SCAPER: variants seen among roughly 807,000 people sequenced by gnomAD.
SCAPER encodes the protein S-phase cyclin A associated protein in the ER.
A neutral mutation model predicts 182.2 loss-of-function variants in SCAPER; 98 were observed. The observed-to-expected ratio is 0.54, with a 90% CI of 0.46 to 0.64. The LOEUF (loss-of-function observed/expected upper bound fraction) is 0.64. SCAPER is among the 30% of genes least tolerant of loss of function. SCAPER has a pLI of 0.00. For synonymous variants in SCAPER, 605 were observed against 564.6 expected, an observed-to-expected ratio of 1.07 and a Z score of -1.01; for missense variants, 1,432 against 1,690.0, an observed-to-expected ratio of 0.85 and a Z score of 2.68.
Position 76,622,642 on chromosome 15 carries a change from C to T in SCAPER, c.2646-813G>A, listed in dbSNP as rs866341340. The stretch of plus-strand genomic sequence containing the variant: ...GATTTTTACAAATATAAACATTTTG[C>T]ATGTCAAAATGCAGAAATAACTACT... On this transcript the variant is annotated intron_variant, in intron 21 of 31. Coordinates refer to ENST00000563290, the MANE Select transcript of SCAPER (RefSeq NM_020843.4). Among the ~76,000 whole-genome samples, 14 of 152,100 alleles carry T rather than the reference C, an allele frequency of 9.2e-5. No homozygotes were observed. The Middle Eastern group carries it at 0.01, about 111-fold the overall frequency.
intron 24 of SCAPER, among the ~76,000 whole-genome samples, chr15:76,501,843 C>A (rs924444877): frequency 6.6e-6 from 1 of 152,212 alleles, no homozygotes; most frequent in Non-Finnish European, 1.5e-5. Flanking sequence ...GGGATTTGTG[C>A]AGGAGAGCAA....
At chr15:76,879,080 C>G (rs1283976549) in intron 2 of SCAPER, among the ~76,000 whole-genome samples, 1 of 152,200 alleles carries the variant, frequency 6.6e-6, no homozygotes. Context: ...AATACATGAC[C>G]TGGCCTCCAG....
intron 20 of SCAPER, among the ~76,000 whole-genome samples, chr15:76,680,411 GATAATAATA>G (rs10569185): frequency 0.017 from 2,480 of 142,548 alleles, 45 homozygotes; most frequent in East Asian, 0.04. Context: ...TGATGATGAT[GATAATAATA>G]ATAATAATAA....
Position 76,556,743 on chromosome 15 carries a change from C to CA in SCAPER, c.2838+17414dup, listed in dbSNP as rs200670176. On this transcript the variant is annotated intron_variant, in intron 23 of 31. Coordinates refer to ENST00000563290, the MANE Select transcript of SCAPER (RefSeq NM_020843.4). ...TTGAATCAGTAATAAGCCTATAAAC[C>CA]AAAAAAAAAGCCACAGCAATCAGGC... Among the ~76,000 whole-genome samples, 353 of 147,140 alleles carry CA rather than the reference C, an allele frequency of 2.4e-3. 4 individuals are homozygous for CA. The highest frequency in any genetic ancestry group is 5.5e-3 in the African/African-American group (221 of 40,136).
At chr15:76,844,532 C>T (rs943722126) in intron 4 of SCAPER, among the ~76,000 whole-genome samples, 2 of 152,090 alleles carry the variant, frequency 1.3e-5, no homozygotes, top group African/African-American at 4.8e-5. Flanking sequence ...AAAAAGGAGA[C>T]ATTACAACTG....
In SCAPER at chr15:76,574,011, T is replaced by TAA. The variant is rs560720287; in HGVS notation, c.2838+145_2838+146dup. 1,759 of 670,196 alleles carry TAA rather than the reference T, an allele frequency of 2.6e-3. 25 individuals carry two copies. The African/African-American group carries it at 0.032, about 12-fold the overall frequency. The allele number at this position is 670,196 out of a possible 1,614,324, so 41.5% of individuals were successfully genotyped here. Reference sequence around the variant, plus strand: ...ATTAAACAACTGAAAAGAACAAAAGTAAAAAAAAAAATTCATCTATTATTG... The same window carrying TAA: ...ATTAAACAACTGAAAAGAACAAAAGTAAAAAAAAAAAAATTCATCTATTATTG... On this transcript the variant is annotated intron_variant, in intron 23 of 31. Transcript: ENST00000563290.
intron 5 of SCAPER, among the ~76,000 whole-genome samples, chr15:76,809,561 G>A (rs2151565016): frequency 6.6e-6 from 1 of 151,946 alleles, no homozygotes. Context: ...TTTAAGATGA[G>A]GAATAAAAGG....
intron 24 of SCAPER, among the ~76,000 whole-genome samples, chr15:76,484,584 T>C (rs1380484213): frequency 6.6e-6 from 1 of 152,234 alleles, no homozygotes; most frequent in East Asian, 1.9e-4. Flanking sequence ...CTGGTATTCC[T>C]ATTGAAACTA....
intron 23 of SCAPER, among the ~76,000 whole-genome samples, chr15:76,539,681 G>C (rs1328879397): frequency 6.6e-6 from 1 of 151,888 alleles, no homozygotes; most frequent in Non-Finnish European, 1.5e-5. Flanking sequence ...GAGTAGCTGG[G>C]ACTACAGGCG....
At chr15:76,375,938 T>C (rs1049394963) in intron 29 of SCAPER, among the ~76,000 whole-genome samples, 4 of 152,160 alleles carry the variant, frequency 2.6e-5, no homozygotes, top group East Asian at 1.9e-4. Flanking sequence ...TGAGCCGAGA[T>C]TGCACCACTG....
intron 23 of SCAPER, among the ~76,000 whole-genome samples, chr15:76,511,951 C>T (rs1388732471): frequency 6.7e-6 from 1 of 149,538 alleles, no homozygotes; most frequent in Non-Finnish European, 1.5e-5. Flanking sequence ...GGCGTGATCT[C>T]GGCTCACTGC....
intron 25 of SCAPER, 109 bp downstream of exon 25, chr15:76,471,103 T>C (rs1330397934): frequency 3.0e-5 from 25 of 828,090 alleles, no homozygotes; most frequent in Non-Finnish European, 3.9e-5. Flanking sequence ...TTCTTCTTTT[T>C]TTTTTTTTTC....
intron 25 of SCAPER, among the ~76,000 whole-genome samples, chr15:76,436,438 T>G (rs1216942768): frequency 6.6e-6 from 1 of 152,196 alleles, no homozygotes; most frequent in East Asian, 1.9e-4. Context: ...GTTCATCTTT[T>G]TATGTTTTTT....
chr15:76,642,227 C>T (rs1453687645), intron 21 of SCAPER, among the ~76,000 whole-genome samples: 6 of 152,256 alleles, frequency 3.9e-5, no homozygotes, highest in Non-Finnish European at 7.4e-5. Flanking sequence ...TGATTATCCA[C>T]GTTTTCTTTA....
intron 22 of SCAPER, among the ~76,000 whole-genome samples, chr15:76,602,519 T>C (rs1164129775): frequency 8.3e-6 from 1 of 120,770 alleles, no homozygotes; most frequent in African/African-American, 2.5e-5. Context: ...CGCTCACAGG[T>C]AGAATTTTTT....
At chr15:76,495,475 G>C (rs962338960) in intron 24 of SCAPER, among the ~76,000 whole-genome samples, 1 of 151,754 alleles carries the variant, frequency 6.6e-6, no homozygotes, top group Non-Finnish European at 1.5e-5. Context: ...CTACTTGGGA[G>C]GCTGAGGCAG....
chr15:76,797,697 TC>T, intron 7 of SCAPER: 1 of 152,212 alleles, frequency 6.6e-6, no homozygotes, highest in Non-Finnish European at 1.5e-5. Context: ...CTCTGTCAAA[TC>T]GTTAGGTGAT....
chr15:76,407,071 T>C (rs1446718317), intron 26 of SCAPER, among the ~76,000 whole-genome samples: 1 of 152,052 alleles, frequency 6.6e-6, no homozygotes, highest in Admixed American at 6.6e-5. Flanking sequence ...TAGAGATAAG[T>C]AGAATTGAAA....
At chr15:76,618,418 A>G (rs2051696467) in intron 22 of SCAPER, among the ~76,000 whole-genome samples, 1 of 152,180 alleles carries the variant, frequency 6.6e-6, no homozygotes, top group African/African-American at 2.4e-5. Context: ...AGACATTTCT[A>G]TATTCTCTTT....
Sources: allele counts gnomAD v4.1 joint callset (sites outside exome capture counted in the v4.1 genomes callset), GRCh38; gene constraint gnomAD v4.1.1; transcripts MANE v1.5; gene names NCBI Gene and HGNC (gene_info 2026-07-23, HGNC 2026-07-21).